CNTN4: variants seen among roughly 807,000 people sequenced by gnomAD.
The protein encoded by CNTN4 is contactin-4.
A neutral mutation model predicts 122.5 loss-of-function variants in CNTN4; 77 were observed. The observed-to-expected ratio is 0.63, with a 90% CI of 0.52 to 0.76. The LOEUF (loss-of-function observed/expected upper bound fraction) is 0.76. Ranked by LOEUF, CNTN4 falls within the 30% of genes least tolerant of loss-of-function variation. CNTN4 has a pLI of 0.00. For missense variants in CNTN4, 1,256 were observed against 1,259.1 expected (o/e 1.00, Z 0.04); for synonymous variants, 512 against 447.0 (o/e 1.15, Z -1.83).
intron 2 of CNTN4, among the ~76,000 whole-genome samples, chr3:2,172,629 A>C (rs1160513091): frequency 6.6e-6 from 1 of 152,208 alleles, no homozygotes; most frequent in Non-Finnish European, 1.5e-5. Flanking sequence ...AAGTAGACTG[A>C]CATTCTTTTC....
chr3:2,394,137 T>C lies in CNTN4; in HGVS notation c.-89+54904T>C, dbSNP rs572079278. ...TTTAGGCATATTAATGAACATGAAT[T>C]TGCAGAGTGTGTCGTTTAAAAAGGA... On this transcript the variant is annotated intron_variant, in intron 3 of 24. Coordinates refer to ENST00000418658, the MANE Select transcript of CNTN4 (RefSeq NM_175607.3). Among the ~76,000 whole-genome samples the C allele has an allele frequency of 8.7e-4, 132 of 152,084 alleles. 1 individual carries two copies. The highest frequency in any genetic ancestry group is 2.9e-3 in the African/African-American group (122 of 41,490).
intron 8 of CNTN4, among the ~76,000 whole-genome samples, chr3:2,877,269 T>A (rs2093855421): frequency 6.6e-6 from 1 of 152,230 alleles, no homozygotes; most frequent in Non-Finnish European, 1.5e-5. Flanking sequence ...GGCTTATTAT[T>A]GGTGTCAAAT....
intron 3 of CNTN4, among the ~76,000 whole-genome samples, chr3:2,554,142 G>A (rs2078625380): frequency 6.6e-6 from 1 of 152,162 alleles, no homozygotes; most frequent in Non-Finnish European, 1.5e-5. Flanking sequence ...TAGGATACCA[G>A]TATGTATTCA....
intron 4 of CNTN4, among the ~76,000 whole-genome samples, chr3:2,710,639 G>C (rs2087088625): frequency 6.6e-6 from 1 of 152,002 alleles, no homozygotes; most frequent in Non-Finnish European, 1.5e-5. Flanking sequence ...TTTTAGATAT[G>C]ATTTTATTTT....
chr3:2,839,561 AC>A (rs1459514351), intron 7 of CNTN4, among the ~76,000 whole-genome samples: 2 of 152,150 alleles, frequency 1.3e-5, no homozygotes, highest in Non-Finnish European at 2.9e-5. Flanking sequence ...TAACTTACTT[AC>A]CCCACCTGGA....
chr3:2,797,462 G>A (rs1439311294), intron 6 of CNTN4, among the ~76,000 whole-genome samples: 1 of 152,186 alleles, frequency 6.6e-6, no homozygotes, highest in African/African-American at 2.4e-5. Context: ...GCCAGGTGTG[G>A]TGGTGGGCGC....
intron 13 of CNTN4, among the ~76,000 whole-genome samples, chr3:2,968,140 C>T (rs1023066181): frequency 2.0e-5 from 3 of 152,156 alleles, no homozygotes; most frequent in East Asian, 1.9e-4. Flanking sequence ...GGTTTGTCAG[C>T]AGCTGAACTG....
chr3:2,319,416 T>A (rs1439601893), intron 2 of CNTN4, among the ~76,000 whole-genome samples: 7 of 152,138 alleles, frequency 4.6e-5, no homozygotes, highest in South Asian at 4.1e-4. Flanking sequence ...CCACATTTTT[T>A]AAAATAAAAG....
intron 2 of CNTN4, among the ~76,000 whole-genome samples, chr3:2,133,225 A>C (rs933502180): frequency 1.3e-5 from 2 of 152,184 alleles, no homozygotes; most frequent in Non-Finnish European, 2.9e-5. Context: ...TTCTCCTTAG[A>C]GGAAGATAAA....
At chr3:2,231,043 C>G (rs2039466586) in intron 2 of CNTN4, among the ~76,000 whole-genome samples, 1 of 152,088 alleles carries the variant, frequency 6.6e-6, no homozygotes, top group South Asian at 2.1e-4. Flanking sequence ...ATAATTTAAA[C>G]TTTTTTGGTA....
intron 6 of CNTN4, among the ~76,000 whole-genome samples, chr3:2,771,300 A>C (rs1008581364): frequency 7.2e-5 from 11 of 152,244 alleles, no homozygotes; most frequent in Non-Finnish European, 1.6e-4. Flanking sequence ...AATACTCTAC[A>C]ACATGGGAAG....
intron 3 of CNTN4, among the ~76,000 whole-genome samples, chr3:2,466,970 C>CTTTTTTTTTTTTTTTTTTTTTTTTCT (rs60879017): frequency 8.6e-6 from 1 of 115,812 alleles, no homozygotes; most frequent in Admixed American, 9.5e-5. Flanking sequence ...TTCTTTCTTT[C>CTTTTTTTTTTTTTTTTTTTTTTTTCT]TTTTTTTTTT....
At chr3:2,464,248 A>G (rs1031747525) in intron 3 of CNTN4, among the ~76,000 whole-genome samples, 2 of 152,148 alleles carry the variant, frequency 1.3e-5, no homozygotes, top group African/African-American at 4.8e-5. Flanking sequence ...TATTTGATGA[A>G]CATTCCGTAT....
rs2616585 is a variant in CNTN4, at chr3:2,571,317, A to G, written c.-88-99A>G. The G allele has an allele frequency of 0.57, 359,455 of 625,356 alleles. 106,815 individuals carry two copies. Among genetic ancestry groups the G allele is most frequent in the East Asian group, 0.87 (31,623 of 36,204 alleles). 38.7% of individuals were successfully genotyped at this position (625,356 alleles called of 1,614,324 possible). On this transcript the variant is annotated intron_variant, in intron 3 of 24. Coordinates refer to ENST00000418658, the MANE Select transcript of CNTN4 (RefSeq NM_175607.3). ...TCTTCCCCTCCAATGGTACTTTCCC[A>G]CAAGTGAGTTTTATTGATATTTGAG...
intron 3 of CNTN4, among the ~76,000 whole-genome samples, chr3:2,389,818 C>G (rs1394891500): frequency 1.3e-5 from 2 of 151,926 alleles, no homozygotes; most frequent in Admixed American, 6.6e-5. Context: ...ATGGGTTGCA[C>G]TAAGAAAAAA....
rs17021387 is a variant in CNTN4, at chr3:2,850,494, C to G, written c.455-16258C>G. 3.2e-3 allele frequency among the ~76,000 whole-genome samples: 485 copies of G among 152,306 alleles called. 2 individuals carry two copies. The highest frequency in any genetic ancestry group is 0.011 in the African/African-American group (460 of 41,558). ...ATGGTTAGGACAGATACCATCACCC[C>G]AATTTTACTCTTGAAGCCACTGAGA... is the stretch of plus-strand genomic sequence containing the variant. On this transcript the variant is annotated intron_variant, in intron 7 of 24. Coordinates refer to ENST00000418658, the MANE Select transcript of CNTN4 (RefSeq NM_175607.3).
At chr3:3,009,284 T>A (rs764562212) in intron 14 of CNTN4, among the ~76,000 whole-genome samples, 13 of 152,216 alleles carry the variant, frequency 8.5e-5, no homozygotes, top group Non-Finnish European at 1.3e-4. Context: ...CTTTCAATTA[T>A]CATGGCTTAA....
At chr3:2,437,933 C>T (rs919627219) in intron 3 of CNTN4, among the ~76,000 whole-genome samples, 2 of 152,146 alleles carry the variant, frequency 1.3e-5, no homozygotes, top group East Asian at 1.9e-4. Context: ...GGGGTCTTTG[C>T]AGTCTTTGAT....
intron 2 of CNTN4, among the ~76,000 whole-genome samples, chr3:2,277,823 A>G (rs2041573516): frequency 6.6e-6 from 1 of 152,186 alleles, no homozygotes; most frequent in Admixed American, 6.5e-5. Flanking sequence ...GAGACTCAGC[A>G]AGTTCAGCAC....
Sources: gnomAD v4.1 joint callset for allele counts (sites outside exome capture counted in the v4.1 genomes callset) on GRCh38, gnomAD v4.1.1 for gene constraint, MANE v1.5 for transcripts, NCBI Gene and HGNC (gene_info 2026-07-23, HGNC 2026-07-21) for gene names.